UPF2: variants seen among roughly 807,000 people sequenced by gnomAD.
UPF2 encodes the protein regulator of nonsense transcripts 2.
A neutral mutation model predicts 141.4 loss-of-function variants in UPF2; 17 were observed. The observed-to-expected ratio is 0.12, with a 90% CI of 0.08 to 0.18. The LOEUF (loss-of-function observed/expected upper bound fraction) is 0.18. UPF2 is among the 10% of genes least tolerant of loss of function. UPF2 has a pLI of 1.00. For missense variants in UPF2, 1,152 were observed against 1,515.9 expected (o/e 0.76, Z 3.99); for synonymous variants, 540 against 498.0 (o/e 1.08, Z -1.12).
chr10:11,948,432 T>C lies in UPF2; in HGVS notation c.3111A>G (p.Glu1037=). 1 of 1,603,746 alleles carries C rather than the reference T, an allele frequency of 6.2e-7. No individual in the cohort carries two copies. Among genetic ancestry groups the C allele is most frequent in the Non-Finnish European group, 8.5e-7 (1 of 1,174,262 alleles). The change falls in exon 16 of 22, where the codon GAA becomes GAG. Residue 1037 remains glutamate, a synonymous_variant. Coordinates refer to ENST00000357604, the MANE Select transcript of UPF2 (RefSeq NM_015542.4). Reference sequence around the variant, plus strand: ...ATTGTTCTTCTGTTTCAGCCCCACCTTCTTCTTCTTCTTCATCCTCTTCAA... The same window carrying C: ...ATTGTTCTTCTGTTTCAGCCCCACCCTCTTCTTCTTCTTCATCCTCTTCAA... ...ENLEEDEEEE[E]GGAETEEQSG...
In UPF2 at chr10:12,016,456, A is replaced by G. The variant is rs1388718526; in HGVS notation, c.1146-2272T>C. 4.6e-5 allele frequency among the ~76,000 whole-genome samples: 7 copies of G among 150,994 alleles called. No homozygotes were observed. Among genetic ancestry groups the G allele is most frequent in the South Asian group, 4.2e-4 (2 of 4,712 alleles). On this transcript the variant is annotated intron_variant, in intron 3 of 21. Coordinates refer to ENST00000357604, the MANE Select transcript of UPF2 (RefSeq NM_015542.4). This position sits in a 1 kb window ranked among gnomAD's most constrained non-coding sequence, Gnocchi z 4.1. ...CACGCCTGTAATCCCAGAACTTTGGAAGGCCGAGGTGGGAGGATCACAAGG... is the reference window on the plus strand; with the variant it reads ...CACGCCTGTAATCCCAGAACTTTGGGAGGCCGAGGTGGGAGGATCACAAGG...
chr10:12,010,752 A>G (rs562993107), intron 4 of UPF2, among the ~76,000 whole-genome samples: 1 of 152,278 alleles, frequency 6.6e-6, no homozygotes, highest in Non-Finnish European at 1.5e-5. Flanking sequence ...CCCGAAGTAC[A>G]AGAAACGAAG....
chr10:12,031,804 T>TA (rs1395338181), intron 2 of UPF2, among the ~76,000 whole-genome samples: 1 of 152,106 alleles, frequency 6.6e-6, no homozygotes, highest in Non-Finnish European at 1.5e-5. Context: ...TATAAATCTC[T>TA]AAAAAAGTAC....
intron 9 of UPF2, among the ~76,000 whole-genome samples, chr10:11,977,901 C>T (rs1418673454): frequency 3.9e-5 from 6 of 152,172 alleles, no homozygotes; most frequent in African/African-American, 7.2e-5. Flanking sequence ...CCTTCCCTTA[C>T]GTACTACTAC....
At chr10:11,981,995 C>T (rs1833605007) in intron 8 of UPF2, among the ~76,000 whole-genome samples, 1 of 150,766 alleles carries the variant, frequency 6.6e-6, no homozygotes, top group South Asian at 2.1e-4. Context: ...CTATAAGTTA[C>T]GCTTATAAAC....
Position 12,004,519 on chromosome 10 carries a change from C to A in UPF2, c.1504+11G>T. The A allele has an allele frequency of 6.3e-7, 1 of 1,590,932 alleles. No individual in the cohort carries two copies. The highest frequency in any genetic ancestry group is 1.2e-5 in the South Asian group (1 of 86,088). On this transcript the variant is annotated intron_variant, in intron 5 of 21. Coordinates refer to ENST00000357604, the MANE Select transcript of UPF2 (RefSeq NM_015542.4). ...AGCACTTAATGTAAATATTTTTTCT[C>A]TAGAATTTACCTTTGGTATCATCTT...
chr10:11,985,978 G>A (rs1285765975), intron 8 of UPF2, among the ~76,000 whole-genome samples: 6 of 142,508 alleles, frequency 4.2e-5, no homozygotes, highest in South Asian at 4.5e-4. Context: ...TCCGCCTCCC[G>A]GGTTCACGCC....
At chr10:12,029,822 C>A (rs1009095777) in intron 2 of UPF2, among the ~76,000 whole-genome samples, 5 of 151,910 alleles carry the variant, frequency 3.3e-5, no homozygotes, top group African/African-American at 1.2e-4. Context: ...ATTAGCTGGG[C>A]GTGATGGCGC....
rs901886790 is a variant in UPF2 at position 12,016,291 on chromosome 10, T to G, written c.1146-2107A>C. ...GTTGGCCAAGCTGGTCTCAAACTCC[T>G]GGCCTCAAGCAATCCTCCCACCTCA... On this transcript the variant is annotated intron_variant, in intron 3 of 21. Coordinates refer to ENST00000357604, the MANE Select transcript of UPF2 (RefSeq NM_015542.4). The surrounding 1 kb of genome is among the most constrained non-coding windows in gnomAD (Gnocchi z 4.1). Among the ~76,000 whole-genome samples, 2 of 152,138 alleles carry G rather than the reference T, an allele frequency of 1.3e-5. No individual in the cohort carries two copies. Among genetic ancestry groups the G allele is most frequent in the African/African-American group, 4.8e-5 (2 of 41,440 alleles).
chr10:11,992,692 C>T lies in UPF2; in HGVS notation c.1844+4980G>A, dbSNP rs2131252492. Among the ~76,000 whole-genome samples, 1 of 152,188 alleles carries T rather than the reference C, an allele frequency of 6.6e-6. No homozygotes were observed. The highest frequency in any genetic ancestry group is 2.4e-5 in the African/African-American group (1 of 41,522). ...AATCATAAATAGCCTAAATTACTTT[C>T]ATTAAAAGAAACATACTTTCAGAAT... On this transcript the variant is annotated intron_variant, in intron 8 of 21. Coordinates refer to ENST00000357604, the MANE Select transcript of UPF2 (RefSeq NM_015542.4). The surrounding 1 kb of genome is among the most constrained non-coding windows in gnomAD (Gnocchi z 4.1).
chr10:12,038,195 C>T (rs557927017), intron 1 of UPF2, among the ~76,000 whole-genome samples: 14 of 151,996 alleles, frequency 9.2e-5, no homozygotes, highest in Non-Finnish European at 1.6e-4. Context: ...CCAGCCTGGC[C>T]AACATGGTGA....
chr10:12,024,663 T>A (rs1834379632), intron 3 of UPF2, among the ~76,000 whole-genome samples: 3 of 151,918 alleles, frequency 2.0e-5, no homozygotes, highest in Non-Finnish European at 4.4e-5. Context: ...CCGAGCACAG[T>A]GGCTCACACC....
At chr10:11,978,719 T>G (rs1478780011) in intron 9 of UPF2, among the ~76,000 whole-genome samples, 2 of 152,282 alleles carry the variant, frequency 1.3e-5, no homozygotes, top group East Asian at 3.9e-4. Flanking sequence ...ACACCCGGAC[T>G]CATGGCAGCC....
At chr10:11,963,541 T>C (rs1833273207) in intron 11 of UPF2, among the ~76,000 whole-genome samples, 1 of 152,218 alleles carries the variant, frequency 6.6e-6, no homozygotes, top group African/African-American at 2.4e-5. Flanking sequence ...TCTCACTATG[T>C]TGCCAAGGCT....
chr10:11,938,868 T>TG (rs1340961677), intron 18 of UPF2, among the ~76,000 whole-genome samples: 109 of 90,856 alleles, frequency 1.2e-3, no homozygotes, highest in African/African-American at 3.5e-3. Context: ...TTTTTTTTTT[T>TG]TTTTTTTTTT....
chr10:11,991,856 G>T (rs1362758128), intron 8 of UPF2, among the ~76,000 whole-genome samples: 1 of 152,118 alleles, frequency 6.6e-6, no homozygotes, highest in Non-Finnish European at 1.5e-5. Flanking sequence ...ATTAGAAAAT[G>T]AACTTCAGGC....
chr10:12,000,502 A>C (rs1489306675), intron 6 of UPF2, among the ~76,000 whole-genome samples: 3 of 152,200 alleles, frequency 2.0e-5, no homozygotes, highest in Non-Finnish European at 4.4e-5. Context: ...AATCTTGGCC[A>C]GGTGTGATGG....
intron 3 of UPF2, among the ~76,000 whole-genome samples, chr10:12,015,154 A>G (rs1384131161): frequency 4.6e-5 from 7 of 152,236 alleles, no homozygotes; most frequent in Admixed American, 4.6e-4. Context: ...CATTGTTTCA[A>G]AAAGTCAATT....
rs113517029 is a variant in UPF2, at chr10:12,001,137, G to A, written c.1654+539C>T. Among the ~76,000 whole-genome samples the A allele has an allele frequency of 1.7e-3, 254 of 152,274 alleles. 1 individual carries two copies. Among genetic ancestry groups the A allele is most frequent in the African/African-American group, 5.6e-3 (234 of 41,546 alleles). On this transcript the variant is annotated intron_variant, in intron 6 of 21. Coordinates refer to ENST00000357604, the MANE Select transcript of UPF2 (RefSeq NM_015542.4). The stretch of plus-strand genomic sequence containing the variant: ...AGTATATTTTAAGATATTTAGGGCC[G>A]GGTGCGGTGGCTCATGCCTGTAATC...
Sources: gnomAD v4.1 joint callset for allele counts (sites outside exome capture counted in the v4.1 genomes callset) on GRCh38, gnomAD v4.1.1 for gene constraint, Gnocchi (gnomAD v3.1) non-coding constraint, MANE v1.5 for transcripts, NCBI Gene and HGNC (gene_info 2026-07-23, HGNC 2026-07-21) for gene names.